The following PID1 variants were observed in gnomAD, a reference collection of about 807,000 sequenced individuals.
PID1 encodes phosphotyrosine interaction domain containing 1.
Under a neutral mutation model 19.1 loss-of-function variants are expected in PID1, and 10 were observed. The ratio of observed to expected loss-of-function variants is 0.52; its 90% confidence interval spans 0.32 to 0.89. PID1 has a LOEUF of 0.89. Among genes scored for constraint, PID1 ranks in the 40% least tolerant of loss-of-function variants. The pLI is 0.03. For synonymous variants in PID1, 130 were observed against 116.0 expected (o/e 1.12, Z -0.78); for missense variants, 248 against 285.3 (o/e 0.87, Z 0.94).
In PID1 at chr2:229,250,629, G is replaced by A. The variant is rs573776598; in HGVS notation, c.30+20385C>T. The stretch of plus-strand genomic sequence containing the variant: ...TCGTTTTCCTTATTGACAGAACTCC[G>A]ATTTGGTTGGGGGCAAAAAAGTGCC... On this transcript the variant is annotated intron_variant, in intron 1 of 2. Coordinates refer to ENST00000392055, the MANE Select transcript of PID1 (RefSeq NM_001100818.2). Among the ~76,000 whole-genome samples the A allele has an allele frequency of 5.9e-5, 9 of 152,264 alleles. No homozygotes were observed. The East Asian group carries it at 7.7e-4, about 13-fold the overall frequency.
chr2:229,185,308 T>C (rs570701241), intron 1 of PID1, among the ~76,000 whole-genome samples: 14 of 152,074 alleles, frequency 9.2e-5, no homozygotes, highest in African/African-American at 3.4e-4. Context: ...TCTTGCCTCA[T>C]GTTTCTCTAG....
intron 2 of PID1, among the ~76,000 whole-genome samples, chr2:229,040,941 C>A (rs1693758471): frequency 6.6e-6 from 1 of 152,172 alleles, no homozygotes; most frequent in African/African-American, 2.4e-5. Flanking sequence ...AGCAGGGAGG[C>A]TACACAGAAC....
At chr2:229,227,767 T>G (rs1446790865) in intron 1 of PID1, among the ~76,000 whole-genome samples, 1 of 152,166 alleles carries the variant, frequency 6.6e-6, no homozygotes. Context: ...TCAAAAGTAC[T>G]GGGGAAAAAA....
Position 229,132,130 on chromosome 2 carries a change from G to A in PID1, c.177+23688C>T, listed in dbSNP as rs75128026. Among the ~76,000 whole-genome samples, 890 of 152,278 alleles carry A rather than the reference G, an allele frequency of 5.8e-3. 3 individuals are homozygous for A. Among genetic ancestry groups the A allele is most frequent in the Non-Finnish European group, 9.8e-3 (667 of 68,012 alleles). On this transcript the variant is annotated intron_variant, in intron 2 of 2. Coordinates refer to ENST00000392055, the MANE Select transcript of PID1 (RefSeq NM_001100818.2). ...ATAGACTGCTCACTTCTGGGAGATG[G>A]AAGGCTTAAAATTGGCTATAAGAAA... is the stretch of plus-strand genomic sequence containing the variant.
chr2:229,103,636 G>A (rs987626298), intron 2 of PID1, among the ~76,000 whole-genome samples: 18 of 147,984 alleles, frequency 1.2e-4, no homozygotes, highest in South Asian at 2.2e-4. Flanking sequence ...GGAGTGCAGC[G>A]GTGTGATCTT....
intron 1 of PID1, among the ~76,000 whole-genome samples, chr2:229,251,986 A>G (rs1462551444): frequency 6.6e-6 from 1 of 150,958 alleles, no homozygotes; most frequent in Non-Finnish European, 1.5e-5. Context: ...AAAAAGAAAG[A>G]AAAAAAAACA....
chr2:229,124,834 G>A (rs1695590675), intron 2 of PID1, among the ~76,000 whole-genome samples: 1 of 152,148 alleles, frequency 6.6e-6, no homozygotes, highest in Non-Finnish European at 1.5e-5. Flanking sequence ...TCTACTACCT[G>A]TTGACTAACA....
chr2:229,078,938 G>T (rs1488037047), intron 2 of PID1, among the ~76,000 whole-genome samples: 1 of 152,180 alleles, frequency 6.6e-6, no homozygotes, highest in Non-Finnish European at 1.5e-5. Flanking sequence ...GGAAAAGAAT[G>T]CTGAAGTAAG....
chr2:229,190,648 T>C (rs1691241301), intron 1 of PID1, among the ~76,000 whole-genome samples: 1 of 152,274 alleles, frequency 6.6e-6, no homozygotes, highest in Admixed American at 6.5e-5. Context: ...CTACAGCTCA[T>C]AGTTGACTGC....
chr2:229,117,082 A>G (rs1695425490), intron 2 of PID1, among the ~76,000 whole-genome samples: 1 of 152,148 alleles, frequency 6.6e-6, no homozygotes, highest in Non-Finnish European at 1.5e-5. Flanking sequence ...AATAGCTCAG[A>G]TACATATCAT....
intron 2 of PID1, among the ~76,000 whole-genome samples, chr2:229,093,473 G>A (rs1008341244): frequency 6.6e-6 from 1 of 151,480 alleles, no homozygotes; most frequent in Non-Finnish European, 1.5e-5. Flanking sequence ...GCTGACTTTT[G>A]CTGTGTAACA....
At chr2:229,259,189 C>A (rs1428049342) in intron 1 of PID1, among the ~76,000 whole-genome samples, 1 of 151,422 alleles carries the variant, frequency 6.6e-6, no homozygotes, top group Non-Finnish European at 1.5e-5. Flanking sequence ...TAGTTCAAAT[C>A]TTTTCCTGGT....
At chr2:229,058,053 C>A (rs1210441086) in intron 2 of PID1, among the ~76,000 whole-genome samples, 2 of 152,098 alleles carry the variant, frequency 1.3e-5, no homozygotes, top group African/African-American at 4.8e-5. Flanking sequence ...TGGCTGTGTC[C>A]CCCAGGTAGA....
intron 1 of PID1, among the ~76,000 whole-genome samples, chr2:229,210,896 C>G (rs1413881163): frequency 6.6e-6 from 1 of 152,074 alleles, no homozygotes; most frequent in East Asian, 1.9e-4. Context: ...ATCACTTTTT[C>G]CATTTATTTT....
At chr2:229,127,113 G>C (rs1247492140) in intron 2 of PID1, among the ~76,000 whole-genome samples, 1 of 152,172 alleles carries the variant, frequency 6.6e-6, no homozygotes, top group African/African-American at 2.4e-5. Context: ...ACATTTCATT[G>C]CTCAGATCTC....
At chr2:229,204,398 T>A in intron 1 of PID1, among the ~76,000 whole-genome samples, 1 of 152,238 alleles carries the variant, frequency 6.6e-6, no homozygotes, top group East Asian at 1.9e-4. Flanking sequence ...ACTAAGTTAA[T>A]AGTTTGAAAC....
At position 229,026,128 on chromosome 2, in the gene PID1, A is replaced by C; in HGVS notation, c.178-20T>G. On this transcript the variant is annotated intron_variant, in intron 2 of 2. Transcript: ENST00000392055. The stretch of plus-strand genomic sequence containing the variant: ...GGTAACCTGCAGATGCAAGAGAGGA[A>C]GAAAAGGGAGGCATCAGCAGAAGGC... The C allele has an allele frequency of 9.7e-6, 15 of 1,546,422 alleles. No homozygotes were observed. The highest frequency in any genetic ancestry group is 1.2e-5 in the Non-Finnish European group (13 of 1,120,576).
At chr2:229,250,845 C>T (rs1278063586) in intron 1 of PID1, among the ~76,000 whole-genome samples, 1 of 152,138 alleles carries the variant, frequency 6.6e-6, no homozygotes, top group Non-Finnish European at 1.5e-5. Flanking sequence ...CCTGTAGTAA[C>T]ATGGATCTAC....
At chr2:229,270,416 T>A (rs1426393705) in intron 1 of PID1, among the ~76,000 whole-genome samples, 2 of 152,132 alleles carry the variant, frequency 1.3e-5, no homozygotes, top group Admixed American at 1.3e-4. Context: ...TAAAAAACTT[T>A]TGATGGGATA....
Sources: gnomAD v4.1 joint callset for allele counts (sites outside exome capture counted in the v4.1 genomes callset) on GRCh38, gnomAD v4.1.1 for gene constraint, MANE v1.5 for transcripts, NCBI Gene and HGNC (gene_info 2026-07-23, HGNC 2026-07-21) for gene names.